The following CCR1 variants were observed in gnomAD, a reference collection of about 807,000 sequenced individuals.
CCR1 encodes the protein C-C chemokine receptor type 1.
In CCR1, 1 loss-of-function variant was observed where a neutral mutation model predicts 0.3. The ratio of observed to expected loss-of-function variants is 3.70; its 90% CI spans 1.31 to 17.54. The LOEUF is 17.54. Among genes scored for constraint, CCR1 ranks in the 30% most tolerant of loss-of-function variants. The probability of loss-of-function intolerance (pLI) is 0.11; values close to 1 mark genes in which losing one functional copy is unlikely to be tolerated. For missense variants in CCR1, 349 were observed against 435.4 expected (o/e 0.80, Z 1.77); for synonymous variants, 207 against 182.5 (o/e 1.13, Z -1.08).
Position 46,204,034 on chromosome 3 carries a change from T to C in CCR1, c.280A>G (p.Lys94Glu). The change falls in exon 2 of 2, where the codon AAG (lysine) becomes GAG (glutamate). Residue 94 changes from lysine to glutamate, a missense_variant. By Grantham distance (56) the Lys-to-Glu change is moderately conservative. Transcript: ENST00000296140. ...LFTLPFWIDY[K>E]LKDDWVFGDA... The stretch of plus-strand genomic sequence containing the variant: ...CCAAAAACCCAGTCATCCTTCAACT[T>C]GTAGTCGATCCAGAAGGGAAGCGTG... 6.2e-7 allele frequency: 1 copy of C among 1,614,174 alleles called. No homozygotes were observed. The highest frequency in any genetic ancestry group is 8.5e-7 in the Non-Finnish European group (1 of 1,180,028).
At chr3:46,206,986 C>T (rs1699654233) in intron 1 of CCR1, among the ~76,000 whole-genome samples, 1 of 152,232 alleles carries the variant, frequency 6.6e-6, no homozygotes, top group Non-Finnish European at 1.5e-5. Context: ...GGTGCGCTGG[C>T]TGGCTTATAC....
intron 1 of CCR1, among the ~76,000 whole-genome samples, chr3:46,206,470 C>T (rs1024464074): frequency 2.6e-5 from 4 of 152,100 alleles, no homozygotes; most frequent in African/African-American, 7.2e-5. Flanking sequence ...GCAGACAGTT[C>T]GGTTTGATAG....
intron 1 of CCR1, among the ~76,000 whole-genome samples, chr3:46,207,824 G>T (rs1699660209): frequency 6.6e-6 from 1 of 151,906 alleles, no homozygotes; most frequent in Non-Finnish European, 1.5e-5. Context: ...TTTATTTTTA[G>T]TAGAGACAGG....
At chr3:46,207,079 G>A (rs936411630) in intron 1 of CCR1, among the ~76,000 whole-genome samples, 8 of 152,182 alleles carry the variant, frequency 5.3e-5, no homozygotes, top group Non-Finnish European at 8.8e-5. Context: ...CACAGTGGGG[G>A]CATTTATACC....
chr3:46,204,295 T>A lies in CCR1; in HGVS notation c.19A>T (p.Thr7Ser), dbSNP rs200097434. 3 of 1,584,210 alleles carry A rather than the reference T, an allele frequency of 1.9e-6. No homozygotes were observed. Among genetic ancestry groups the A allele is most frequent in the Middle Eastern group, 3.4e-4 (2 of 5,906 alleles). Residue 7 changes from threonine to serine, a missense_variant, in exon 2 of 2, where the codon ACA becomes TCA. By Grantham distance (58) the Thr-to-Ser change is moderately conservative (BLOSUM62 1). Coordinates refer to ENST00000296140, the MANE Select transcript of CCR1 (RefSeq NM_001295.3). Reference sequence around the variant, plus strand: ...TCTGTGGTCGTGTCATAGTCCTCTGTGGTGTTTGGAGTTTCCATCCCGGCT... The same window carrying A: ...TCTGTGGTCGTGTCATAGTCCTCTGAGGTGTTTGGAGTTTCCATCCCGGCT... METPNT[T>S]EDYDTTTEFD...
chr3:46,207,897 C>T (rs1417489718), intron 1 of CCR1, among the ~76,000 whole-genome samples: 1 of 152,160 alleles, frequency 6.6e-6, no homozygotes, highest in Non-Finnish European at 1.5e-5. Flanking sequence ...GCCTCGGTCT[C>T]CCAAAGTGCT....
chr3:46,207,221 G>T (rs1559520970), intron 1 of CCR1, among the ~76,000 whole-genome samples: 2 of 152,174 alleles, frequency 1.3e-5, no homozygotes, highest in Non-Finnish European at 2.9e-5. Flanking sequence ...CTCGGTGCGG[G>T]AACTAAAGGA....
rs1699615344 is a variant in CCR1, at chr3:46,203,315, C to T, written c.999G>A (p.Val333=). The change falls in exon 2 of 2, where the codon GTG becomes GTA. Residue 333 remains valine (V), a synonymous_variant. Coordinates refer to ENST00000296140, the MANE Select transcript of CCR1 (RefSeq NM_001295.3). The surrounding 1 kb of genome is among the most constrained non-coding windows in gnomAD (Gnocchi z 4.5). ...TGGAGCTGACCCTCTCCAGCCTGTC[C>T]ACGGAGAGGAAGGGGAGCCATTTAA... The part of the protein sequence containing the change: ...HLVKWLPFLS[V]DRLERVSSTS... 1.2e-6 allele frequency: 2 copies of T among 1,614,056 alleles called. No homozygotes were observed. The highest frequency in any genetic ancestry group is 2.2e-5 in the East Asian group (1 of 44,890).
intron 1 of CCR1, among the ~76,000 whole-genome samples, chr3:46,205,511 G>A (rs1236993574): frequency 1.3e-5 from 2 of 152,156 alleles, no homozygotes; most frequent in East Asian, 1.9e-4. Flanking sequence ...GAATCACTCT[G>A]TAGGTTGCCT....
chr3:46,204,310 C>G lies in CCR1; in HGVS notation c.4G>C (p.Glu2Gln). 1 of 1,557,890 alleles carries G rather than the reference C, an allele frequency of 6.4e-7. No individual in the cohort carries two copies. Among genetic ancestry groups the G allele is most frequent in the Non-Finnish European group, 8.7e-7 (1 of 1,155,836 alleles). ...TAGTCCTCTGTGGTGTTTGGAGTTT[C>G]CATCCCGGCTTCTCCTACAGGTTAA... Reference protein sequence around the residue: METPNTTEDYDT... With the variant: MQTPNTTEDYDT... The change falls in exon 2 of 2, where the codon GAA becomes CAA. Residue 2 changes from glutamate to glutamine, a missense_variant. Glu to Gln is a conservative substitution (Grantham distance 29). Transcript: ENST00000296140.
chr3:46,203,401 C>T lies in CCR1; in HGVS notation c.913G>A (p.Gly305Ser). The T allele has an allele frequency of 6.2e-7, 1 of 1,614,178 alleles. No individual in the cohort carries two copies. The highest frequency in any genetic ancestry group is 8.5e-7 in the Non-Finnish European group (1 of 1,180,036). ...CVNPVIYAFV[G>S]ERFRKYLRQL... is the part of the protein sequence containing the mutation. The stretch of plus-strand genomic sequence containing the variant: ...CGCAGGTACTTCCGGAACCTCTCAC[C>T]AACGAAGGCGTAGATCACTGGGTTG... The change falls in exon 2 of 2, where the codon GGT becomes AGT. Residue 305 changes from glycine to serine, a missense_variant. Coordinates refer to ENST00000296140, the MANE Select transcript of CCR1 (RefSeq NM_001295.3). The surrounding 1 kb of genome is among the most constrained non-coding windows in gnomAD (Gnocchi z 4.5).
intron 1 of CCR1, among the ~76,000 whole-genome samples, chr3:46,207,806 G>A (rs1324432008): frequency 5.3e-5 from 8 of 151,878 alleles, no homozygotes; most frequent in Non-Finnish European, 1.2e-4. Flanking sequence ...CACCATGCCC[G>A]GCTAATTTTT....
chr3:46,204,730 G>T (rs1205343248), intron 1 of CCR1, among the ~76,000 whole-genome samples: 1 of 152,162 alleles, frequency 6.6e-6, no homozygotes, highest in Non-Finnish European at 1.5e-5. Flanking sequence ...GGGTCCCATT[G>T]TTGTTCTTAT....
rs1206364845 is a variant in CCR1 at position 46,202,901 on chromosome 3, A to C, written c.*345T>G. 2 of 220,244 alleles carry C rather than the reference A, an allele frequency of 9.1e-6. No homozygotes were observed. Among genetic ancestry groups the C allele is most frequent in the African/African-American group, 4.6e-5 (2 of 43,470 alleles). The allele number at this position is 220,244 out of a possible 1,614,324, so 13.6% of individuals were successfully genotyped here. ...ACTACTGGGTTTAATTGGTTTGTGC[A>C]AGCAATAGTGGGAAGTGGGTGACTT... On this transcript the variant is annotated 3_prime_UTR_variant, in exon 2 of 2. Coordinates refer to ENST00000296140, the MANE Select transcript of CCR1 (RefSeq NM_001295.3).
chr3:46,203,606 T>C lies in CCR1; in HGVS notation c.708A>G (p.Lys236=), dbSNP rs1211562067. 2 of 1,613,910 alleles carry C rather than the reference T, an allele frequency of 1.2e-6. No individual in the cohort carries two copies. Among genetic ancestry groups the C allele is most frequent in the African/African-American group, 2.7e-5 (2 of 74,898 alleles). Reference sequence around the variant, plus strand: ...TGATGACAAAAATCAAACGGACAGCTTTGGATTTCTTCTCATTTGGTCGTC... The same window carrying C: ...TGATGACAAAAATCAAACGGACAGCCTTGGATTTCTTCTCATTTGGTCGTC... ...LLRRPNEKKS[K]AVRLIFVIMI... is the part of the protein sequence containing the mutation. Residue 236 remains lysine (K), a synonymous_variant, in exon 2 of 2, where the codon AAA becomes AAG. Coordinates refer to ENST00000296140, the MANE Select transcript of CCR1 (RefSeq NM_001295.3). The surrounding 1 kb of genome is among the most constrained non-coding windows in gnomAD (Gnocchi z 4.5).
At chr3:46,207,077 G>A (rs1401014963) in intron 1 of CCR1, among the ~76,000 whole-genome samples, 1 of 152,114 alleles carries the variant, frequency 6.6e-6, no homozygotes, top group East Asian at 1.9e-4. Flanking sequence ...ACCACAGTGG[G>A]GGCATTTATA....
In CCR1 at chr3:46,202,732, A is replaced by G. The variant is rs1699607338; in HGVS notation, c.*514T>C. The stretch of plus-strand genomic sequence containing the variant: ...TGATTGGCTCTGGGACTCAGAGTGG[A>G]GTCACTGTGGAAATCACTATTTCCA... On this transcript the variant is annotated 3_prime_UTR_variant, in exon 2 of 2. Transcript: ENST00000296140. 1.4e-5 allele frequency: 2 copies of G among 138,566 alleles called. No homozygotes were observed. The highest frequency in any genetic ancestry group is 5.4e-5 in the African/African-American group (2 of 36,754). 8.6% of individuals were successfully genotyped at this position (138,566 alleles called of 1,614,324 possible).
chr3:46,206,600 A>G (rs1367840536), intron 1 of CCR1, among the ~76,000 whole-genome samples: 1 of 152,208 alleles, frequency 6.6e-6, no homozygotes, highest in African/African-American at 2.4e-5. Context: ...AGGTTTGGCA[A>G]AGGCAAAGGC....
rs1699605357 is a variant in CCR1 at position 46,202,509 on chromosome 3, A to C, written c.*737T>G. ...CATGTTATTCATATGGCCCGTGCTTAGCCCACTCCCTGAATTGTTTGATTT... is the reference window on the plus strand; with the variant it reads ...CATGTTATTCATATGGCCCGTGCTTCGCCCACTCCCTGAATTGTTTGATTT... On this transcript the variant is annotated 3_prime_UTR_variant, in exon 2 of 2. Coordinates refer to ENST00000296140, the MANE Select transcript of CCR1 (RefSeq NM_001295.3). The C allele has an allele frequency of 6.6e-6, 1 of 152,170 alleles. No homozygotes were observed. The highest frequency in any genetic ancestry group is 1.5e-5 in the Non-Finnish European group (1 of 68,010). The allele number at this position is 152,170 out of a possible 1,614,324, so 9.4% of individuals were successfully genotyped here.
Sources: allele counts gnomAD v4.1 joint callset (sites outside exome capture counted in the v4.1 genomes callset), GRCh38; gene constraint gnomAD v4.1.1; non-coding constraint Gnocchi (gnomAD v3.1); transcripts MANE v1.5; gene names NCBI Gene and HGNC (gene_info 2026-07-23, HGNC 2026-07-21).